The following CALD1 variants were observed in gnomAD, a reference collection of about 807,000 sequenced individuals.
The protein encoded by CALD1 is caldesmon.
A neutral mutation model predicts 99.9 loss-of-function variants in CALD1; 33 were observed. That is an observed-to-expected ratio of 0.33 (90% confidence interval 0.25 to 0.44). The LOEUF is 0.44. Ranked by LOEUF, CALD1 falls within the 20% of genes least tolerant of loss-of-function variation. CALD1 has a pLI of 1.00. For synonymous variants in CALD1, 310 were observed against 325.0 expected (o/e 0.95, Z 0.50); for missense variants, 861 against 962.1 (o/e 0.89, Z 1.39).
intron 9 of CALD1, among the ~76,000 whole-genome samples, chr7:134,950,784 C>A (rs1461643116): frequency 1.3e-5 from 2 of 152,220 alleles, no homozygotes; most frequent in Admixed American, 1.3e-4. Context: ...GGTGAAACCC[C>A]ATCTCTACCA....
At chr7:134,758,501 G>GTGTGTGTGT (rs1796748464) in intron 1 of CALD1, among the ~76,000 whole-genome samples, 23 of 145,218 alleles carry the variant, frequency 1.6e-4, no homozygotes, top group African/African-American at 5.9e-4. Context: ...CTCCCATTGG[G>GTGTGTGTGT]GTGTGTGTGT....
chr7:134,821,497 A>T (rs772527842), intron 1 of CALD1, among the ~76,000 whole-genome samples: 21 of 152,192 alleles, frequency 1.4e-4, no homozygotes, highest in Non-Finnish European at 2.2e-4. Flanking sequence ...AAATGTTAAC[A>T]ATTTATTTCT....
intron 2 of CALD1, among the ~76,000 whole-genome samples, chr7:134,864,274 G>A (rs1285411187): frequency 2.0e-5 from 3 of 150,732 alleles, no homozygotes; most frequent in African/African-American, 7.3e-5. Context: ...TCGAACCTGG[G>A]AGGCAAAGGC....
the CALD1 span, among the ~76,000 whole-genome samples, chr7:134,715,277 A>G: frequency 3.9e-5 from 6 of 152,350 alleles, no homozygotes; most frequent in African/African-American, 1.4e-4. Context: ...ACCCAGAAAC[A>G]GCATTTCTCT....
chr7:134,899,371 T>C lies in CALD1; in HGVS notation c.72-29383T>C, dbSNP rs556631438. On this transcript the variant is annotated intron_variant, in intron 3 of 14. Transcript: ENST00000361675. ...GGCGCCCACCACCACACCTGGCTAA[T>C]TTTCCATTTTTAGTAGAGACGGGGT... Among the ~76,000 whole-genome samples the C allele has an allele frequency of 2.9e-4, 44 of 152,184 alleles. No homozygotes were observed. In the South Asian group the frequency reaches 4.6e-3, roughly 16 times the overall value.
At chr7:134,891,432 C>A in intron 3 of CALD1, 1 of 1,303,480 alleles carries the variant, frequency 7.7e-7, no homozygotes, top group Non-Finnish European at 9.8e-7. Flanking sequence ...TGGCTGAGGA[C>A]AAGCCCAGAC....
At chr7:134,778,774 G>T (rs1796988336), upstream of CALD1, among the ~76,000 whole-genome samples, 4 of 152,148 alleles carry the variant, frequency 2.6e-5, 1 homozygote, top group Admixed American at 2.0e-4. Flanking sequence ...CAGGTGGTGG[G>T]TCTCTTCATA....
intron 3 of CALD1, among the ~76,000 whole-genome samples, chr7:134,901,813 A>G (rs1395658028): frequency 1.3e-5 from 2 of 152,078 alleles, no homozygotes; most frequent in Non-Finnish European, 2.9e-5. Context: ...GTCTCTTCAC[A>G]GAGGCTTCCC....
At chr7:134,960,386 C>G in intron 12 of CALD1, 147 bp from the exon 13 acceptor site, 1 of 659,936 alleles carries the variant, frequency 1.5e-6, no homozygotes, top group East Asian at 2.7e-5. Flanking sequence ...GAAAGAAAAC[C>G]AGATAACATA....
chr7:134,859,314 G>C lies in CALD1; in HGVS notation c.-41-8379G>C, dbSNP rs75439744. Among the ~76,000 whole-genome samples the C allele has an allele frequency of 1.4e-3, 216 of 152,262 alleles. 2 individuals carry two copies. The highest frequency in any genetic ancestry group is 5.0e-3 in the African/African-American group (206 of 41,538). On this transcript the variant is annotated intron_variant, in intron 2 of 14. Transcript: ENST00000361675. The stretch of plus-strand genomic sequence containing the variant: ...CTTTACATATTTGTTGCAAGTCTAC[G>C]CATTTTTTCTCACATGGACACAAGG...
At chr7:134,944,811 A>G (rs554685271) in intron 7 of CALD1, among the ~76,000 whole-genome samples, 13 of 152,234 alleles carry the variant, frequency 8.5e-5, no homozygotes, top group Non-Finnish European at 1.8e-4. Context: ...CAAGGGCTTC[A>G]AGCCTAAATT....
intron 2 of CALD1, among the ~76,000 whole-genome samples, chr7:134,847,930 C>A (rs1799920034): frequency 6.6e-6 from 1 of 152,154 alleles, no homozygotes; most frequent in African/African-American, 2.4e-5. Flanking sequence ...AACTATCAAG[C>A]CTTTCCTAAG....
intron 3 of CALD1, among the ~76,000 whole-genome samples, chr7:134,924,226 C>G (rs1804819965): frequency 6.6e-6 from 1 of 152,048 alleles, no homozygotes. Context: ...ATATCACATA[C>G]TCATCATGTT....
the CALD1 span, among the ~76,000 whole-genome samples, chr7:134,732,842 C>T: frequency 0.067 from 10,241 of 152,278 alleles, 797 homozygotes; most frequent in African/African-American, 0.18. Flanking sequence ...TGTACTTAAT[C>T]ACTAACTAAA....
chr7:134,797,056 G>T (rs1797772680), intron 1 of CALD1, among the ~76,000 whole-genome samples: 1 of 150,706 alleles, frequency 6.6e-6, no homozygotes, highest in Non-Finnish European at 1.5e-5. Flanking sequence ...AAAAAGCCTT[G>T]CTCTGTCGCC....
chr7:134,878,932 A>G (rs1402805260), intron 3 of CALD1, among the ~76,000 whole-genome samples: 2 of 152,146 alleles, frequency 1.3e-5, no homozygotes, highest in African/African-American at 2.4e-5. Context: ...CCATGATTGC[A>G]CTACTGCACT....
At chr7:134,825,144 C>T (rs749999805) in intron 1 of CALD1, among the ~76,000 whole-genome samples, 13 of 151,966 alleles carry the variant, frequency 8.6e-5, no homozygotes, top group Non-Finnish European at 1.5e-4. Flanking sequence ...AAAATGATCA[C>T]TTCAAAGCTT....
chr7:134,773,158 A>AT (rs571170988), intron 1 of CALD1, among the ~76,000 whole-genome samples: 2 of 144,592 alleles, frequency 1.4e-5, no homozygotes, highest in Non-Finnish European at 3.1e-5. Flanking sequence ...TCTTCTTACT[A>AT]TTTTTTTTCT....
intron 1 of CALD1, among the ~76,000 whole-genome samples, chr7:134,797,039 T>G (rs1022303099): frequency 6.6e-6 from 1 of 151,852 alleles, no homozygotes; most frequent in Non-Finnish European, 1.5e-5. Flanking sequence ...TTTTTCTTTT[T>G]TTTGAGAAAA....
Sources: gnomAD v4.1 joint callset for allele counts (sites outside exome capture counted in the v4.1 genomes callset) on GRCh38, gnomAD v4.1.1 for gene constraint, MANE v1.5 for transcripts, NCBI Gene and HGNC (gene_info 2026-07-23, HGNC 2026-07-21) for gene names.